ATF2: variants seen among roughly 807,000 people sequenced by gnomAD.
The protein encoded by ATF2 is cyclic AMP-dependent transcription factor ATF-2.
ATF2 carries 24 observed loss-of-function variants against 60.6 expected under a neutral mutation model. The ratio of observed to expected loss-of-function variants is 0.40; its 90% confidence interval spans 0.29 to 0.56. ATF2 has a LOEUF of 0.56. Among genes scored for constraint, ATF2 ranks in the 20% least tolerant of loss-of-function variants. ATF2 has a pLI of 0.54. For missense variants in ATF2, 433 were observed against 607.7 expected (o/e 0.71, Z 3.02); for synonymous variants, 206 against 215.4 (o/e 0.96, Z 0.38).
At position 175,109,168 on chromosome 2, in the gene ATF2, TAAAAAAA is replaced by T. The variant is rs66812318; in HGVS notation, c.828+2393_828+2399del. 1.4e-3 allele frequency among the ~76,000 whole-genome samples: 114 copies of T among 82,610 alleles called. 4 individuals carry two copies. The South Asian group carries it at 0.057, about 42-fold the overall frequency. 54.2% of individuals were successfully genotyped at this position (82,610 alleles called of 152,430 possible). ...GTGAGAAACACCCAAGAATGATCAA[TAAAAAAA>T]AAAAAAAAAAAAAAAAAAGACTGTG... On this transcript the variant is annotated intron_variant, in intron 10 of 13. Transcript: ENST00000264110.
intron 10 of ATF2, among the ~76,000 whole-genome samples, chr2:175,108,105 C>A: frequency 6.6e-6 from 1 of 151,914 alleles, no homozygotes. Flanking sequence ...CGGCCGCCAT[C>A]CCATCTAGGA....
At chr2:175,149,451 G>C (rs1360610705) in intron 2 of ATF2, among the ~76,000 whole-genome samples, 1 of 152,206 alleles carries the variant, frequency 6.6e-6, no homozygotes, top group Admixed American at 6.5e-5. Context: ...TAAATCAAGA[G>C]GAGGATTTTT....
At chr2:175,086,415 A>T (rs1034679907) in intron 12 of ATF2, among the ~76,000 whole-genome samples, 1 of 152,168 alleles carries the variant, frequency 6.6e-6, no homozygotes, top group East Asian at 1.9e-4. Context: ...GAAGTGGATT[A>T]GTTGAGCTGT....
intron 10 of ATF2, among the ~76,000 whole-genome samples, chr2:175,100,936 C>T (rs1166390578): frequency 2.0e-5 from 3 of 152,096 alleles, no homozygotes; most frequent in South Asian, 2.1e-4. Flanking sequence ...AAACTGCTGG[C>T]GAGTGTACCC....
At chr2:175,079,292 A>G (rs1295898271) in intron 13 of ATF2, among the ~76,000 whole-genome samples, 1 of 152,156 alleles carries the variant, frequency 6.6e-6, no homozygotes, top group Non-Finnish European at 1.5e-5. Flanking sequence ...ATTTCCTTTT[A>G]ATTTTATAAA....
chr2:175,097,713 G>GGCAAA, intron 10 of ATF2, 120 bp from the exon 11 acceptor site: 1 of 1,032,362 alleles, frequency 9.7e-7, no homozygotes, highest in Non-Finnish European at 1.4e-6. Flanking sequence ...AGTACTACTA[G>GGCAAA]AGGATTCTGT....
chr2:175,119,243 G>C (rs1265337882), intron 5 of ATF2, among the ~76,000 whole-genome samples: 1 of 151,552 alleles, frequency 6.6e-6, no homozygotes, highest in Non-Finnish European at 1.5e-5. Context: ...ATATTGATTA[G>C]AGTTGGTAGC....
At chr2:175,124,011 CTTTA>C (rs946007131) in intron 4 of ATF2, among the ~76,000 whole-genome samples, 5 of 152,076 alleles carry the variant, frequency 3.3e-5, no homozygotes, top group African/African-American at 1.2e-4. Flanking sequence ...GAAATGCATT[CTTTA>C]TTTATTTATA....
At chr2:175,162,020 C>A (rs1327440368) in intron 1 of ATF2, among the ~76,000 whole-genome samples, 2 of 152,182 alleles carry the variant, frequency 1.3e-5, no homozygotes, top group Non-Finnish European at 2.9e-5. Flanking sequence ...CTAGGCCTCC[C>A]AAAATGGTGG....
At chr2:175,097,803 G>C (rs758982240) in intron 10 of ATF2, among the ~76,000 whole-genome samples, 2 of 152,092 alleles carry the variant, frequency 1.3e-5, no homozygotes, top group Non-Finnish European at 2.9e-5. Context: ...GTCCAAGTAA[G>C]CACTGGCACC....
At chr2:175,078,783 A>G (rs939643025) in intron 13 of ATF2, among the ~76,000 whole-genome samples, 5 of 152,180 alleles carry the variant, frequency 3.3e-5, no homozygotes, top group Admixed American at 2.0e-4. Context: ...CACTTAGTCA[A>G]TTTCTGTATC....
intron 4 of ATF2, among the ~76,000 whole-genome samples, 192 bp downstream of exon 4, chr2:175,129,946 T>G (rs1047867579): frequency 6.6e-6 from 1 of 152,048 alleles, no homozygotes; most frequent in African/African-American, 2.4e-5. Flanking sequence ...TGGATTATAC[T>G]TTCTAAAGCT....
intron 1 of ATF2, among the ~76,000 whole-genome samples, chr2:175,153,915 T>G (rs1004566555): frequency 2.6e-5 from 4 of 151,098 alleles, no homozygotes; most frequent in Non-Finnish European, 5.9e-5. Flanking sequence ...CTAATAAGCT[T>G]TTTTCTATCT....
At chr2:175,075,036 G>C in intron 13 of ATF2, 1 of 1,438,978 alleles carries the variant, frequency 6.9e-7, no homozygotes, top group Non-Finnish European at 9.1e-7. Flanking sequence ...CCATGCATAT[G>C]GAAACATCTG....
intron 2 of ATF2, among the ~76,000 whole-genome samples, chr2:175,144,916 G>C (rs1167412808): frequency 4.6e-5 from 7 of 152,126 alleles, no homozygotes; most frequent in Non-Finnish European, 7.3e-5. Flanking sequence ...ATGGCACCAG[G>C]CAATTCATTA....
intron 2 of ATF2, among the ~76,000 whole-genome samples, chr2:175,141,072 T>C (rs1231089225): frequency 3.7e-5 from 5 of 136,338 alleles, no homozygotes; most frequent in Non-Finnish European, 6.2e-5. Context: ...TATGTGTGTG[T>C]ATATATATGT....
At chr2:175,099,106 T>C (rs946588537) in intron 10 of ATF2, among the ~76,000 whole-genome samples, 28 of 150,052 alleles carry the variant, frequency 1.9e-4, no homozygotes, top group Admixed American at 6.6e-4. Flanking sequence ...AAATTTCTTT[T>C]TTTTTTTTTT....
rs1040313671 is a variant in ATF2 at position 175,072,379 on chromosome 2, G to C, written c.*2230C>G. On this transcript the variant is annotated 3_prime_UTR_variant, in exon 14 of 14. Coordinates refer to ENST00000264110, the MANE Select transcript of ATF2 (RefSeq NM_001880.4). ...ACTGAAAATGCTAGGTACAGAAGTA[G>C]TATGACATCCTGAAAGTCAAAATGG... 1.3e-5 allele frequency: 2 copies of C among 152,110 alleles called. No individual in the cohort carries two copies. The highest frequency in any genetic ancestry group is 4.8e-5 in the African/African-American group (2 of 41,434). The allele number at this position is 152,110 out of a possible 1,614,324, so 9.4% of individuals were successfully genotyped here. A position where few individuals can be genotyped will look rare whatever the true frequency, so the allele number is the denominator to read the frequency against.
At chr2:175,114,594 A>G (rs1696421883) in intron 8 of ATF2, 96 bp downstream of exon 8, 1 of 1,516,612 alleles carries the variant, frequency 6.6e-7, no homozygotes, top group East Asian at 2.3e-5. Flanking sequence ...ATACAAAACT[A>G]AGATCTTAGT....
Sources: gnomAD v4.1 joint callset for allele counts (sites outside exome capture counted in the v4.1 genomes callset) on GRCh38, gnomAD v4.1.1 for gene constraint, MANE v1.5 for transcripts, NCBI Gene and HGNC (gene_info 2026-07-23, HGNC 2026-07-21) for gene names.